Variants in SPADH observed in about 807,000 individuals in gnomAD.
The protein encoded by SPADH is spermadhesin family member.
the SPADH span, chr10:122,678,858 G>T: frequency 2.0e-6 from 2 of 983,568 alleles, no homozygotes; most frequent in Non-Finnish European, 2.4e-6. Flanking sequence ...GGATTCGCAT[G>T]TGGCAAAGAA....
the SPADH span, chr10:122,678,933 G>C: frequency 1.0e-6 from 1 of 984,462 alleles, no homozygotes. Flanking sequence ...AAAGCCTTCA[G>C]TACATTCTAT....
the SPADH span, chr10:122,679,064 A>G: frequency 1.0e-6 from 1 of 967,984 alleles, no homozygotes; most frequent in Admixed American, 6.2e-5. Flanking sequence ...AGATCGGGGG[A>G]AGAGGCACCT....
chr10:122,679,105 G>T, the SPADH span: 2 of 739,070 alleles, frequency 2.7e-6, no homozygotes, highest in African/African-American at 3.8e-5. Context: ...CCTGAGCCTG[G>T]TTCTGCATAT....
chr10:122,676,950 A>G, the SPADH span: 1 of 977,270 alleles, frequency 1.0e-6, no homozygotes, highest in Non-Finnish European at 1.2e-6. Flanking sequence ...GAAAGATCCC[A>G]TCTTGACCTC....
At chr10:122,672,851 C>G in the SPADH span, 1 of 984,714 alleles carries the variant, frequency 1.0e-6, no homozygotes, top group Non-Finnish European at 1.2e-6. Flanking sequence ...GCTGAGCTCA[C>G]TCCTGAGGTT....
chr10:122,675,563 T>C, the SPADH span: 1 of 503,340 alleles, frequency 2.0e-6, no homozygotes, highest in African/African-American at 2.1e-5. Flanking sequence ...CACAGTGTAG[T>C]CATTTTCCTT....
the SPADH span, among the ~76,000 whole-genome samples, chr10:122,675,899 C>A: frequency 1.3e-5 from 2 of 152,344 alleles, no homozygotes; most frequent in African/African-American, 2.4e-5. Flanking sequence ...TCCAAGCCCC[C>A]CCGAAGTCTC....
the SPADH span, chr10:122,675,569 TCCTTTCTTCTGCTTTCA>T: frequency 1.7e-6 from 1 of 600,982 alleles, no homozygotes; most frequent in Admixed American, 6.3e-5. Flanking sequence ...GTAGTCATTT[TCCTTTCTTCTGCTTTCA>T]CCCATTGGTA....
chr10:122,673,304 G>A, the SPADH span, among the ~76,000 whole-genome samples: 1 of 152,194 alleles, frequency 6.6e-6, no homozygotes, highest in Middle Eastern at 3.2e-3. Context: ...CTGACGGCAG[G>A]CAGTGTCTTG....
the SPADH span, among the ~76,000 whole-genome samples, chr10:122,675,894 G>GC: frequency 3.5e-4 from 53 of 151,856 alleles, no homozygotes; most frequent in African/African-American, 1.3e-3. Context: ...ACACCTCCAA[G>GC]CCCCCCCGAA....
chr10:122,678,667 C>T, the SPADH span, among the ~76,000 whole-genome samples: 7 of 151,882 alleles, frequency 4.6e-5, no homozygotes, highest in African/African-American at 1.5e-4. Flanking sequence ...AGGGGGTGCT[C>T]GGGCCCCTGC....
the SPADH span, among the ~76,000 whole-genome samples, chr10:122,674,047 T>C: frequency 6.6e-6 from 1 of 152,190 alleles, no homozygotes; most frequent in African/African-American, 2.4e-5. Context: ...GGTGGAAAAA[T>C]TTAATATGCT....
At chr10:122,678,365 C>T in the SPADH span, among the ~76,000 whole-genome samples, 2,105 of 152,272 alleles carry the variant, frequency 0.014, 42 homozygotes, top group African/African-American at 0.048. Context: ...TCATGCTTCA[C>T]CTCTTCCTGT....
the SPADH span, chr10:122,678,733 A>C: frequency 3.6e-5 from 6 of 166,202 alleles, no homozygotes; most frequent in Non-Finnish European, 7.3e-5. Context: ...CTGTCCTTGC[A>C]CTTCTCATGA....
chr10:122,679,316 A>T, the SPADH span, among the ~76,000 whole-genome samples: 1 of 152,054 alleles, frequency 6.6e-6, no homozygotes, highest in African/African-American at 2.4e-5. Context: ...TGTCTTCTTG[A>T]TATAGAAGTG....
At chr10:122,672,904 C>T in the SPADH span, 2 of 985,484 alleles carry the variant, frequency 2.0e-6, no homozygotes, top group Non-Finnish European at 1.2e-6. Flanking sequence ...AGAGCCTTCG[C>T]TTGGCCGCTG....
chr10:122,674,158 T>C, the SPADH span, among the ~76,000 whole-genome samples: 1 of 152,186 alleles, frequency 6.6e-6, no homozygotes, highest in Non-Finnish European at 1.5e-5. Context: ...AACTAATGAG[T>C]GCTGCATAGG....
At chr10:122,676,722 C>A in the SPADH span, 3 of 985,264 alleles carry the variant, frequency 3.0e-6, no homozygotes, top group African/African-American at 5.2e-5. Flanking sequence ...TAGAGCATCC[C>A]TGCAGTGCCT....
the SPADH span, among the ~76,000 whole-genome samples, chr10:122,677,804 G>T: frequency 6.6e-6 from 1 of 152,106 alleles, no homozygotes; most frequent in Non-Finnish European, 1.5e-5. Context: ...CAAATACGGG[G>T]CTTAAACTGT....
Sources: allele counts gnomAD v4.1 joint callset (sites outside exome capture counted in the v4.1 genomes callset), GRCh38; gene constraint gnomAD v4.1.1; transcripts MANE v1.5; gene names NCBI Gene and HGNC (gene_info 2026-07-23, HGNC 2026-07-21).